INTS6: variants seen among roughly 807,000 people sequenced by gnomAD.
The protein encoded by INTS6 is integrator complex subunit 6, also known as DEAD box protein.
INTS6 carries 16 observed loss-of-function variants against 104.9 expected under a neutral mutation model. The ratio of observed to expected loss-of-function variants is 0.15; its 90% CI spans 0.10 to 0.23. The LOEUF (loss-of-function observed/expected upper bound fraction) is 0.23, where lower values mean the gene tolerates loss of function less well. Ranked by LOEUF, INTS6 falls within the 10% of genes least tolerant of loss-of-function variation. The probability of loss-of-function intolerance (pLI) is 1.00; values close to 1 mark genes in which losing one functional copy is unlikely to be tolerated. For synonymous variants in INTS6, 324 were observed against 358.7 expected, an observed-to-expected ratio of 0.90 and a Z score of 1.09; for missense variants, 584 against 1,062.8, an observed-to-expected ratio of 0.55 and a Z score of 6.26.
At position 51,361,595 on chromosome 13, in the gene INTS6, T is replaced by G; in HGVS notation, c.*4157A>C. The G allele has an allele frequency of 1.7e-6, 1 of 588,236 alleles. No individual in the cohort carries two copies. The highest frequency in any genetic ancestry group is 3.0e-6 in the Non-Finnish European group (1 of 336,668). 36.4% of individuals were successfully genotyped at this position (588,236 alleles called of 1,614,324 possible). A position where few individuals can be genotyped will look rare whatever the true frequency, so the allele number is the denominator to read the frequency against. Reference sequence around the variant, plus strand: ...CTGAAAGTTACCTTCAATAAGGAATTTATTCCATGGAATGTGTTGAAAACA... The same window carrying G: ...CTGAAAGTTACCTTCAATAAGGAATGTATTCCATGGAATGTGTTGAAAACA... On this transcript the variant is annotated 3_prime_UTR_variant, in exon 18 of 18. Transcript: ENST00000311234.
chr13:51,452,981 C>G lies in INTS6; in HGVS notation c.-456G>C. On this transcript the variant is annotated 5_prime_UTR_variant, in exon 1 of 18. Transcript: ENST00000311234. The surrounding 1 kb of genome is among the most constrained non-coding windows in gnomAD (Gnocchi z 4.2). ...GGGCTGTTGGGAGAAGTTTCAGGGA[C>G]TCCCTCCGCACCCCGGCGGTGTCAC... 4 of 1,007,866 alleles carry G rather than the reference C, an allele frequency of 4.0e-6. No individual in the cohort carries two copies. Among genetic ancestry groups the G allele is most frequent in the Non-Finnish European group, 4.7e-6 (4 of 843,484 alleles). 62.4% of individuals were successfully genotyped at this position (1,007,866 alleles called of 1,614,324 possible). A position where few individuals can be genotyped will look rare whatever the true frequency, so the allele number is the denominator to read the frequency against.
rs188554055 is a variant in INTS6 at position 51,427,220 on chromosome 13, T to A, written c.429+3074A>T. Among the ~76,000 whole-genome samples, 5 of 152,246 alleles carry A rather than the reference T, an allele frequency of 3.3e-5. No homozygotes were observed. In the East Asian group the frequency reaches 9.6e-4, roughly 29 times the overall value. ...CCAGCCACAAGCCAAACAGGAATTA[T>A]GTACACATATCTCTAATGTGGAAAT... On this transcript the variant is annotated intron_variant, in intron 4 of 17. Coordinates refer to ENST00000311234, the MANE Select transcript of INTS6 (RefSeq NM_012141.3).
the INTS6 span, chr13:51,348,301 C>T: frequency 1.2e-6 from 2 of 1,613,040 alleles, no homozygotes; most frequent in Admixed American, 3.3e-5. Context: ...TGGTGCTGCC[C>T]CGTGACAAAG....
At chr13:51,450,811 A>T (rs1223905003) in intron 3 of INTS6, 4 of 1,181,608 alleles carry the variant, frequency 3.4e-6, no homozygotes, top group Non-Finnish European at 4.2e-6. Flanking sequence ...TTCAGATTCT[A>T]ATCCTGAATA....
At chr13:51,351,120 C>T (rs1955398721), downstream of INTS6, among the ~76,000 whole-genome samples, 1 of 152,116 alleles carries the variant, frequency 6.6e-6, no homozygotes, top group African/African-American at 2.4e-5. Context: ...ATCAAGTGCA[C>T]ATTTTTTTGT....
At chr13:51,358,372 TACA>T (rs1334225350), downstream of INTS6, among the ~76,000 whole-genome samples, 2 of 152,178 alleles carry the variant, frequency 1.3e-5, no homozygotes, top group African/African-American at 4.8e-5. Context: ...ACAATGTTTA[TACA>T]ACGTCATGTT....
In INTS6 at chr13:51,395,372, C is replaced by T; in HGVS notation, c.541G>A (p.Val181Ile). ...ACACCTGTCAACTGTTCTGATTCTA[C>T]TGACATGGTGCCAGGCAACCGCAAC... is the stretch of plus-strand genomic sequence containing the variant. The part of the protein sequence containing the change: ...LVLRLPGTMS[V>I]ESEQLTGVPL... The change falls in exon 5 of 18, where the codon GTA (valine) becomes ATA (isoleucine). Residue 181 changes from valine (V) to isoleucine (I), a missense_variant. Transcript: ENST00000311234. 3 of 1,614,022 alleles carry T rather than the reference C, an allele frequency of 1.9e-6. No individual in the cohort carries two copies. The highest frequency in any genetic ancestry group is 2.5e-6 in the Non-Finnish European group (3 of 1,179,938).
At chr13:51,431,948 C>T (rs1957099352) in intron 3 of INTS6, among the ~76,000 whole-genome samples, 1 of 152,060 alleles carries the variant, frequency 6.6e-6, no homozygotes, top group South Asian at 2.1e-4. Flanking sequence ...TATTGTCTCT[C>T]ATACCATTCA....
the INTS6 span, among the ~76,000 whole-genome samples, chr13:51,334,982 CAAAAA>C: frequency 6.5e-4 from 46 of 70,818 alleles, 4 homozygotes; most frequent in South Asian, 0.018. Flanking sequence ...GACTCCGTCT[CAAAAA>C]AAAAAAAAAA....
At chr13:51,397,995 A>G (rs1293917367) in intron 4 of INTS6, among the ~76,000 whole-genome samples, 2 of 152,218 alleles carry the variant, frequency 1.3e-5, no homozygotes, top group Non-Finnish European at 1.5e-5. Context: ...AGCATTTTAC[A>G]CATAGCTATA....
At chr13:51,405,255 A>C (rs1945134493) in intron 4 of INTS6, among the ~76,000 whole-genome samples, 1 of 152,182 alleles carries the variant, frequency 6.6e-6, no homozygotes, top group Admixed American at 6.5e-5. Context: ...GGAGGAGAGA[A>C]AGATTTTTAA....
Position 51,388,414 on chromosome 13 carries a change from A to G in INTS6, c.740-874T>C, listed in dbSNP as rs186151571. 6.7e-5 allele frequency among the ~76,000 whole-genome samples: 10 copies of G among 148,636 alleles called. No homozygotes were observed. The East Asian group carries it at 2.0e-3, about 30-fold the overall frequency. On this transcript the variant is annotated intron_variant, in intron 6 of 17. Transcript: ENST00000311234. ...GTTTTTGTTTTTCTTTTTTTTTGAGATGGAGTTTCACTCTTGTTGCCCAGG... is the reference window on the plus strand; with the variant it reads ...GTTTTTGTTTTTCTTTTTTTTTGAGGTGGAGTTTCACTCTTGTTGCCCAGG...
chr13:51,342,854 A>AT, the INTS6 span, among the ~76,000 whole-genome samples: 4 of 152,212 alleles, frequency 2.6e-5, no homozygotes, highest in African/African-American at 9.6e-5. Flanking sequence ...GTTTTTATCC[A>AT]TTTTTTTCTT....
intron 6 of INTS6, among the ~76,000 whole-genome samples, chr13:51,388,851 A>C (rs927965921): frequency 3.9e-5 from 6 of 151,964 alleles, no homozygotes; most frequent in Admixed American, 6.6e-5. Context: ...AGCTAGAGTT[A>C]GAAGAATCAA....
At chr13:51,341,065 T>C in the INTS6 span, 2 of 1,608,236 alleles carry the variant, frequency 1.2e-6, no homozygotes, top group Non-Finnish European at 1.7e-6. Flanking sequence ...CTCTTCCCTC[T>C]GAATTGCAGG....
rs1451842124 is a variant in INTS6 at position 51,364,963 on chromosome 13, A to G, written c.*789T>C. ...TTGCTTTTTAAATAGCTTTTAAAGT[A>G]TCTGTCTATCTGCCCCATACAAAGT... On this transcript the variant is annotated 3_prime_UTR_variant, in exon 18 of 18. Coordinates refer to ENST00000311234, the MANE Select transcript of INTS6 (RefSeq NM_012141.3). 4 of 152,558 alleles carry G rather than the reference A, an allele frequency of 2.6e-5. No individual in the cohort carries two copies. The highest frequency in any genetic ancestry group is 9.7e-5 in the African/African-American group (4 of 41,450). 9.5% of individuals were successfully genotyped at this position (152,558 alleles called of 1,614,324 possible).
At chr13:51,443,508 G>A (rs1952835933) in intron 3 of INTS6, 1 of 151,868 alleles carries the variant, frequency 6.6e-6, no homozygotes, top group African/African-American at 2.4e-5. Flanking sequence ...TGGCAACCAT[G>A]GTAAACTTTT....
chr13:51,395,508 A>C (rs1956318573), intron 4 of INTS6, 25 bp from the exon 5 acceptor site: 1 of 1,592,296 alleles, frequency 6.3e-7, no homozygotes, highest in African/African-American at 1.4e-5. Context: ...GAAAAACAGT[A>C]ATAAGAATTC....
intron 3 of INTS6, chr13:51,438,439 G>C (rs1489716237): frequency 2.0e-5 from 3 of 151,894 alleles, no homozygotes; most frequent in Non-Finnish European, 2.9e-5. Flanking sequence ...TGAAGAAGCA[G>C]ATGTCACATA....
Sources: allele counts gnomAD v4.1 joint callset (sites outside exome capture counted in the v4.1 genomes callset), GRCh38; gene constraint gnomAD v4.1.1; non-coding constraint Gnocchi (gnomAD v3.1); transcripts MANE v1.5; gene names NCBI Gene and HGNC (gene_info 2026-07-23, HGNC 2026-07-21).